Variants in SKAP1 observed in about 807,000 individuals in gnomAD.
SKAP1 encodes the protein src kinase-associated phosphoprotein 1.
In SKAP1, 44 loss-of-function variants were observed where a neutral mutation model predicts 58.5. That is an observed-to-expected ratio of 0.75 (90% CI 0.59 to 0.97). The LOEUF (loss-of-function observed/expected upper bound fraction) is 0.97, where lower values mean the gene tolerates loss of function less well. SKAP1 is among the 50% of genes least tolerant of loss of function. The pLI is 0.00. For synonymous variants in SKAP1, 127 were observed against 149.7 expected (o/e 0.85, Z 1.11); for missense variants, 390 against 435.2 (o/e 0.90, Z 0.92).
chr17:48,180,073 A>G lies in SKAP1; in HGVS notation c.807T>C (p.Asp269=). ...KEPTEEKEEE[D]IYEVLPDEEH... ...TCTCACCTGGCAAGACTTCATAAAT[A>G]TCTTCTTCTTCTTTCTCCTCTGTAG... Residue 269 remains aspartate (D), a synonymous_variant, in exon 9 of 13, where the codon GAT becomes GAC. Transcript: ENST00000336915. The G allele has an allele frequency of 6.3e-7, 1 of 1,593,674 alleles. No homozygotes were observed. The highest frequency in any genetic ancestry group is 1.2e-5 in the South Asian group (1 of 86,756).
intron 4 of SKAP1, among the ~76,000 whole-genome samples, chr17:48,310,106 C>T (rs1439012843): frequency 6.6e-6 from 1 of 152,152 alleles, no homozygotes; most frequent in African/African-American, 2.4e-5. Flanking sequence ...GCTGCATGCA[C>T]CAACTTTCAC....
intron 3 of SKAP1, among the ~76,000 whole-genome samples, chr17:48,346,476 T>C (rs941694990): frequency 6.6e-6 from 1 of 151,816 alleles, no homozygotes; most frequent in South Asian, 2.1e-4. Flanking sequence ...ATACAAAAAT[T>C]AGCAGGGTGT....
chr17:48,400,159 C>T lies in SKAP1; in HGVS notation c.47-3374G>A, dbSNP rs183441096. Among the ~76,000 whole-genome samples the T allele has an allele frequency of 8.1e-5, 12 of 148,202 alleles. No individual in the cohort carries two copies. In the East Asian group the frequency reaches 1.2e-3, roughly 15 times the overall value. ...TGCCTCCCAGGCTGGAGTGTAGTGG[C>T]GCGATCTCAGCTCACTGCAACCTCT... On this transcript the variant is annotated intron_variant, in intron 1 of 12. Coordinates refer to ENST00000336915, the MANE Select transcript of SKAP1 (RefSeq NM_003726.4).
intron 1 of SKAP1, among the ~76,000 whole-genome samples, chr17:48,412,759 C>T (rs1355584093): frequency 6.6e-6 from 1 of 152,072 alleles, no homozygotes; most frequent in Non-Finnish European, 1.5e-5. Context: ...GTTGTGCATA[C>T]TAAAATTGTT....
intron 11 of SKAP1, among the ~76,000 whole-genome samples, chr17:48,159,111 TA>T (rs1362538769): frequency 2.0e-5 from 3 of 152,180 alleles, no homozygotes; most frequent in African/African-American, 7.2e-5. Flanking sequence ...AGAATACTTT[TA>T]TCAGATAGAG....
At chr17:48,305,570 A>G (rs1220327631) in intron 4 of SKAP1, among the ~76,000 whole-genome samples, 3 of 152,190 alleles carry the variant, frequency 2.0e-5, no homozygotes, top group Non-Finnish European at 4.4e-5. Context: ...GCTGGGAGTG[A>G]TGCTGGAAAA....
intron 1 of SKAP1, among the ~76,000 whole-genome samples, chr17:48,417,985 A>C (rs9898743): frequency 0.014 from 2,144 of 152,258 alleles, 40 homozygotes; most frequent in African/African-American, 0.046. Context: ...TGGTAAAAAA[A>C]AACAACAACA....
At chr17:48,429,213 G>A (rs1459667358) in intron 1 of SKAP1, among the ~76,000 whole-genome samples, 1 of 152,244 alleles carries the variant, frequency 6.6e-6, no homozygotes, top group Non-Finnish European at 1.5e-5. Context: ...TGCGACTGCA[G>A]ATTCCAGGCC....
At chr17:48,396,647 T>C (rs746475594) in intron 2 of SKAP1, 33 bp downstream of exon 2, 25 of 1,331,306 alleles carry the variant, frequency 1.9e-5, no homozygotes, top group Non-Finnish European at 2.3e-5. Context: ...TTAAAGCTTA[T>C]GAAGAAGATT....
chr17:48,339,964 C>T (rs890556518), intron 4 of SKAP1, among the ~76,000 whole-genome samples: 4 of 151,966 alleles, frequency 2.6e-5, no homozygotes, highest in Admixed American at 6.6e-5. Context: ...GGGTGGATCA[C>T]GAGGTCGGGA....
chr17:48,296,875 A>G (rs1337932526), intron 4 of SKAP1, among the ~76,000 whole-genome samples: 2 of 152,028 alleles, frequency 1.3e-5, no homozygotes, highest in Non-Finnish European at 2.9e-5. Flanking sequence ...AGCTTCAGAA[A>G]CTGAAGCCAT....
intron 1 of SKAP1, among the ~76,000 whole-genome samples, chr17:48,421,431 GT>G (rs2067792506): frequency 6.6e-6 from 1 of 151,764 alleles, no homozygotes; most frequent in Admixed American, 6.6e-5. Context: ...AGCCTCCTGA[GT>G]AGCTGGGATT....
In SKAP1 at chr17:48,419,207, A is replaced by G. The variant is rs188339050; in HGVS notation, c.46+10868T>C. Among the ~76,000 whole-genome samples the G allele has an allele frequency of 2.0e-5, 3 of 152,226 alleles. No homozygotes were observed. In the East Asian group the frequency reaches 5.8e-4, roughly 29 times the overall value. ...TTTAAAAGTAATGGCAAAAACCTCAATTTTTGCATCAACCTAATAGATGGA... is the reference window on the plus strand; with the variant it reads ...TTTAAAAGTAATGGCAAAAACCTCAGTTTTTGCATCAACCTAATAGATGGA... On this transcript the variant is annotated intron_variant, in intron 1 of 12. Coordinates refer to ENST00000336915, the MANE Select transcript of SKAP1 (RefSeq NM_003726.4).
At chr17:48,270,337 T>C (rs1263313600) in intron 4 of SKAP1, among the ~76,000 whole-genome samples, 1 of 152,030 alleles carries the variant, frequency 6.6e-6, no homozygotes, top group African/African-American at 2.4e-5. Flanking sequence ...TTAAATTAAT[T>C]TAATTTTATT....
At chr17:48,344,344 T>A (rs1490550631) in intron 4 of SKAP1, 1 of 267,746 alleles carries the variant, frequency 3.7e-6, no homozygotes, top group Non-Finnish European at 5.7e-6. Context: ...AAACACTGTA[T>A]TGGTTAGAAA....
intron 1 of SKAP1, among the ~76,000 whole-genome samples, chr17:48,425,227 C>T (rs1044850736): frequency 6.6e-6 from 1 of 152,150 alleles, no homozygotes; most frequent in East Asian, 1.9e-4. Context: ...CACTGCACTC[C>T]AGCCTGGGCA....
At chr17:48,289,698 A>G in intron 4 of SKAP1, among the ~76,000 whole-genome samples, 1 of 152,072 alleles carries the variant, frequency 6.6e-6, no homozygotes, top group Non-Finnish European at 1.5e-5. Flanking sequence ...TATTAGCCCT[A>G]TTATGTTGTA....
chr17:48,140,845 C>T (rs1301958696), intron 11 of SKAP1, among the ~76,000 whole-genome samples: 1 of 149,050 alleles, frequency 6.7e-6, no homozygotes, highest in African/African-American at 2.5e-5. Context: ...GTGGTGTGAT[C>T]TCATGATCTC....
At chr17:48,167,196 G>T (rs2064151787) in intron 10 of SKAP1, among the ~76,000 whole-genome samples, 1 of 152,160 alleles carries the variant, frequency 6.6e-6, no homozygotes, top group Admixed American at 6.5e-5. Context: ...TCAGAAGAAA[G>T]CTATGAAAAT....
Sources: allele counts gnomAD v4.1 joint callset (sites outside exome capture counted in the v4.1 genomes callset), GRCh38; gene constraint gnomAD v4.1.1; transcripts MANE v1.5; gene names NCBI Gene and HGNC (gene_info 2026-07-23, HGNC 2026-07-21).